ESRRG: variants seen among roughly 807,000 people sequenced by gnomAD.
ESRRG encodes the protein estrogen related receptor gamma.
ESRRG carries 13 observed loss-of-function variants against 44.0 expected under a neutral mutation model. The ratio of observed to expected loss-of-function variants is 0.30; its 90% CI spans 0.19 to 0.47. The LOEUF (loss-of-function observed/expected upper bound fraction) is 0.47, where lower values mean the gene tolerates loss of function less well. Among genes scored for constraint, ESRRG ranks in the 20% least tolerant of loss-of-function variants. The pLI is 1.00. For synonymous variants in ESRRG, 215 were observed against 214.6 expected (o/e 1.00, Z -0.02); for missense variants, 395 against 580.6 (o/e 0.68, Z 3.29).
At chr1:216,854,111 C>A (rs1294284495) in intron 2 of ESRRG, among the ~76,000 whole-genome samples, 2 of 152,130 alleles carry the variant, frequency 1.3e-5, no homozygotes, top group East Asian at 3.9e-4. Flanking sequence ...GTAATCCTAG[C>A]ACTTTGGGAG....
chr1:216,785,888 T>C (rs1048937907), intron 2 of ESRRG, among the ~76,000 whole-genome samples: 2 of 152,124 alleles, frequency 1.3e-5, no homozygotes, highest in Non-Finnish European at 1.5e-5. Flanking sequence ...CAGCCGTAGT[T>C]AAGTTGACAC....
chr1:217,089,551 G>C (rs1465007474), exon 1 of ESRRG: 1 of 152,216 alleles, frequency 6.6e-6, no homozygotes, highest in Non-Finnish European at 1.5e-5. Context: ...GTGAGTCGTC[G>C]GGGATTTTAA....
At chr1:216,846,056 A>C (rs1214957925) in intron 2 of ESRRG, among the ~76,000 whole-genome samples, 2 of 152,176 alleles carry the variant, frequency 1.3e-5, no homozygotes, top group Non-Finnish European at 2.9e-5. Flanking sequence ...TTTTCTAAAA[A>C]CACAGTAGCA....
intron 2 of ESRRG, among the ~76,000 whole-genome samples, chr1:216,787,822 C>T (rs915911732): frequency 6.6e-6 from 1 of 152,032 alleles, no homozygotes; most frequent in Non-Finnish European, 1.5e-5. Context: ...ATTAAAAGTG[C>T]TATTCCAGTG....
chr1:216,587,406 G>A (rs746720664), intron 3 of ESRRG, among the ~76,000 whole-genome samples: 1 of 152,026 alleles, frequency 6.6e-6, no homozygotes, highest in Non-Finnish European at 1.5e-5. Flanking sequence ...ATCTGAAACC[G>A]GGTTTCATGG....
intron 1 of ESRRG, among the ~76,000 whole-genome samples, chr1:216,985,034 C>T (rs2074636809): frequency 6.6e-6 from 1 of 152,132 alleles, no homozygotes; most frequent in Non-Finnish European, 1.5e-5. Context: ...AAGTATGGCT[C>T]CAGTTTCAGA....
At chr1:216,627,856 A>G (rs2150607073) in intron 3 of ESRRG, among the ~76,000 whole-genome samples, 1 of 152,282 alleles carries the variant, frequency 6.6e-6, no homozygotes, top group South Asian at 2.1e-4. Flanking sequence ...AAGTTAAACT[A>G]TTAGGAGAAT....
intron 1 of ESRRG, among the ~76,000 whole-genome samples, chr1:216,968,874 A>C (rs2071033294): frequency 6.6e-6 from 1 of 152,058 alleles, no homozygotes; most frequent in Non-Finnish European, 1.5e-5. Context: ...CCATTTATTT[A>C]GTTATCCTTT....
intron 1 of ESRRG, among the ~76,000 whole-genome samples, chr1:217,120,413 T>A (rs766100442): frequency 6.6e-6 from 1 of 151,348 alleles, no homozygotes; most frequent in Non-Finnish European, 1.5e-5. Context: ...TATCATCCAA[T>A]CAGCTAATAC....
chr1:216,752,421 C>A (rs2813696), intron 2 of ESRRG, among the ~76,000 whole-genome samples: 135,899 of 152,026 alleles, frequency 0.89, 62,675 homozygotes, highest in Non-Finnish European at 1. Context: ...CTCTAAAGAA[C>A]AAAAAATAAA....
intron 1 of ESRRG, among the ~76,000 whole-genome samples, chr1:217,075,899 C>T (rs1424163783): frequency 2.0e-5 from 3 of 152,080 alleles, no homozygotes; most frequent in Non-Finnish European, 4.4e-5. Flanking sequence ...TAAATTATAA[C>T]CCTCATGCTT....
intron 5 of ESRRG, among the ~76,000 whole-genome samples, chr1:216,544,509 G>T (rs1483190905): frequency 6.6e-6 from 1 of 151,980 alleles, no homozygotes; most frequent in Non-Finnish European, 1.5e-5. Flanking sequence ...ACAGCTTTCA[G>T]TGCTAGGCTT....
chr1:217,115,930 A>G (rs901700423), intron 1 of ESRRG, among the ~76,000 whole-genome samples: 9 of 152,180 alleles, frequency 5.9e-5, no homozygotes, highest in Non-Finnish European at 8.8e-5. Flanking sequence ...TAGCTGCTCA[A>G]TATAAAGTTG....
At chr1:216,620,112 G>GT (rs568647940) in intron 3 of ESRRG, among the ~76,000 whole-genome samples, 9 of 152,228 alleles carry the variant, frequency 5.9e-5, no homozygotes, top group Admixed American at 3.9e-4. Context: ...ATATAGTGTA[G>GT]TTTTTTTAAG....
chr1:216,822,835 A>G (rs2095324980), intron 2 of ESRRG, among the ~76,000 whole-genome samples: 1 of 152,224 alleles, frequency 6.6e-6, no homozygotes. Flanking sequence ...ACAATCTTAC[A>G]GATTGATAAG....
At chr1:217,073,435 C>G (rs941734421) in intron 1 of ESRRG, among the ~76,000 whole-genome samples, 4 of 152,062 alleles carry the variant, frequency 2.6e-5, no homozygotes, top group Admixed American at 2.0e-4. Flanking sequence ...GTGCTTGATG[C>G]CCCTTCTCTC....
chr1:216,599,227 A>T (rs2058856344), intron 3 of ESRRG, among the ~76,000 whole-genome samples: 1 of 152,204 alleles, frequency 6.6e-6, no homozygotes, highest in South Asian at 2.1e-4. Flanking sequence ...GACACAAGAG[A>T]TGAAATATAC....
chr1:217,079,924 T>C (rs6696046), intron 1 of ESRRG, among the ~76,000 whole-genome samples: 64,999 of 151,922 alleles, frequency 0.43, 14,030 homozygotes, highest in East Asian at 0.57. Context: ...TCTGTTTCAT[T>C]TGATCCTTCC....
At chr1:216,672,655 G>T (rs926238959) in intron 2 of ESRRG, among the ~76,000 whole-genome samples, 5 of 151,984 alleles carry the variant, frequency 3.3e-5, no homozygotes, top group African/African-American at 1.2e-4. Context: ...ATCATTTGAG[G>T]CTAGGAGTTT....
Sources: allele counts gnomAD v4.1 joint callset (sites outside exome capture counted in the v4.1 genomes callset), GRCh38; gene constraint gnomAD v4.1.1; transcripts MANE v1.5; gene names NCBI Gene and HGNC (gene_info 2026-07-23, HGNC 2026-07-21).